ARRB1: variants seen among roughly 807,000 people sequenced by gnomAD.
ARRB1 encodes the protein beta-arrestin-1.
ARRB1 carries 21 observed loss-of-function variants against 56.8 expected under a neutral mutation model. The ratio of observed to expected loss-of-function variants is 0.37; its 90% CI spans 0.26 to 0.53. The LOEUF (loss-of-function observed/expected upper bound fraction) is 0.53, where lower values mean the gene tolerates loss of function less well. Among genes scored for constraint, ARRB1 ranks in the 20% least tolerant of loss-of-function variants. ARRB1 has a pLI of 0.88. For missense variants in ARRB1, 424 were observed against 553.7 expected, an observed-to-expected ratio of 0.77 and a Z score of 2.35; for synonymous variants, 210 against 218.6, an observed-to-expected ratio of 0.96 and a Z score of 0.35.
intron 1 of ARRB1, among the ~76,000 whole-genome samples, chr11:75,316,196 G>A (rs1284286177): frequency 2.0e-5 from 3 of 151,882 alleles, no homozygotes; most frequent in East Asian, 1.9e-4. Flanking sequence ...GCATGATGGC[G>A]GGTGCCTGTA....
chr11:75,291,400 G>GTGAA (rs757415015), intron 1 of ARRB1, among the ~76,000 whole-genome samples: 5 of 152,174 alleles, frequency 3.3e-5, no homozygotes, highest in Admixed American at 1.3e-4. Flanking sequence ...AGTTGAACAG[G>GTGAA]TGAATGAATG....
intron 1 of ARRB1, among the ~76,000 whole-genome samples, chr11:75,332,505 G>C (rs376759832): frequency 1.3e-5 from 2 of 152,232 alleles, no homozygotes; most frequent in East Asian, 1.9e-4. Context: ...AAGAACTTTC[G>C]TCTCCACAAT....
At chr11:75,318,147 CTTTTTTTT>C (rs547084580) in intron 1 of ARRB1, among the ~76,000 whole-genome samples, 5 of 76,880 alleles carry the variant, frequency 6.5e-5, no homozygotes, top group African/African-American at 1.7e-4. Flanking sequence ...GCATTTCTAA[CTTTTTTTT>C]TTTTTTTTTT....
rs1014286007 is a variant in ARRB1 at position 75,279,313 on chromosome 11, G to A, written c.483-569C>T. Among the ~76,000 whole-genome samples, 48 of 152,328 alleles carry A rather than the reference G, an allele frequency of 3.2e-4. 1 individual carries two copies. Among genetic ancestry groups the A allele is most frequent in the Admixed American group, 2.3e-3 (35 of 15,300 alleles). The stretch of plus-strand genomic sequence containing the variant: ...AGGCGTTGGGGTTCAGGGAGGAGGC[G>A]TGGATTCAGTCAGGGGGATGCAAGC... On this transcript the variant is annotated intron_variant, in intron 7 of 15. Coordinates refer to ENST00000420843, the MANE Select transcript of ARRB1 (RefSeq NM_004041.5).
intron 1 of ARRB1, 61 bp downstream of exon 1, chr11:75,351,526 GC>G: frequency 6.7e-7 from 1 of 1,495,956 alleles, no homozygotes; most frequent in Non-Finnish European, 8.9e-7. Context: ...CGGAGCCCCC[GC>G]CCGTGTCCTC....
chr11:75,321,818 C>T (rs1947353279), intron 1 of ARRB1, among the ~76,000 whole-genome samples: 1 of 152,210 alleles, frequency 6.6e-6, no homozygotes, highest in Non-Finnish European at 1.5e-5. Context: ...TATTGTGTGT[C>T]AGATGCTGTT....
intron 1 of ARRB1, among the ~76,000 whole-genome samples, chr11:75,304,386 T>C (rs2140468849): frequency 6.6e-6 from 1 of 152,202 alleles, no homozygotes; most frequent in East Asian, 1.9e-4. Context: ...CCATACAGAC[T>C]GAAATCTAAG....
At chr11:75,345,059 G>A (rs1245645952) in intron 1 of ARRB1, among the ~76,000 whole-genome samples, 2 of 152,198 alleles carry the variant, frequency 1.3e-5, no homozygotes, top group Admixed American at 6.5e-5. Context: ...GGTGCAGGGA[G>A]GCAGAAGCTC....
At chr11:75,266,385 A>G in intron 15 of ARRB1, 111 bp from the exon 16 acceptor site, 2 of 855,828 alleles carry the variant, frequency 2.3e-6, no homozygotes, top group Non-Finnish European at 3.8e-6. Context: ...GCCGGGGAGA[A>G]CCACCCTCTC....
intron 13 of ARRB1, 175 bp from the exon 14 acceptor site, chr11:75,269,134 C>G (rs1272230499): frequency 2.7e-6 from 2 of 754,598 alleles, no homozygotes; most frequent in African/African-American, 3.4e-5. Context: ...TGCCTGGGAG[C>G]TGGACGAGGA....
rs117955618 is a variant in ARRB1 at position 75,343,605 on chromosome 11, G to A, written c.20+7983C>T. Among the ~76,000 whole-genome samples the A allele has an allele frequency of 6.8e-4, 103 of 152,274 alleles. 1 individual carries two copies. The East Asian group carries it at 0.01, about 15-fold the overall frequency. On this transcript the variant is annotated intron_variant, in intron 1 of 15. Coordinates refer to ENST00000420843, the MANE Select transcript of ARRB1 (RefSeq NM_004041.5). ...AGATAAGGGAGCCACAGCAGAGAAA[G>A]GGTTAAGTAATCAGGGAAGCCACCC...
intron 2 of ARRB1, among the ~76,000 whole-genome samples, chr11:75,289,416 G>T (rs1946554012): frequency 6.6e-6 from 1 of 152,196 alleles, no homozygotes; most frequent in Admixed American, 6.5e-5. Context: ...ACTTCATGTT[G>T]AAATGATGGA....
chr11:75,273,747 C>A (rs144251705), intron 11 of ARRB1, among the ~76,000 whole-genome samples: 1 of 152,324 alleles, frequency 6.6e-6, no homozygotes, highest in East Asian at 1.9e-4. Flanking sequence ...CTCAGGGACA[C>A]CCCATCTGAC....
chr11:75,318,671 C>A (rs968763004), intron 1 of ARRB1, among the ~76,000 whole-genome samples: 42 of 151,770 alleles, frequency 2.8e-4, no homozygotes, highest in African/African-American at 9.4e-4. Flanking sequence ...GCCTGGGCAA[C>A]AGAGTGAGAC....
chr11:75,312,642 G>A (rs1315124121), intron 1 of ARRB1, among the ~76,000 whole-genome samples: 1 of 152,180 alleles, frequency 6.6e-6, no homozygotes, highest in African/African-American at 2.4e-5. Flanking sequence ...GCCTTGAGAT[G>A]GAGAGATTAT....
rs1460734222 is a variant in ARRB1 at position 75,264,583 on chromosome 11, G to A, written c.*1580C>T. ...AGTCTTGGGCACAGGGTGGGGTTGA[G>A]GGCAGTTGGTGCTCCATAGGGCCCT... On this transcript the variant is annotated 3_prime_UTR_variant, in exon 16 of 16. Coordinates refer to ENST00000420843, the MANE Select transcript of ARRB1 (RefSeq NM_004041.5). 1 of 152,172 alleles carries A rather than the reference G, an allele frequency of 6.6e-6. No individual in the cohort carries two copies. Among genetic ancestry groups the A allele is most frequent in the Non-Finnish European group, 1.5e-5 (1 of 68,082 alleles). 9.4% of individuals were successfully genotyped at this position (152,172 alleles called of 1,614,324 possible).
rs1365520223 is a variant in ARRB1 at position 75,264,018 on chromosome 11, T to C, written c.*2145A>G. On this transcript the variant is annotated 3_prime_UTR_variant, in exon 16 of 16. Transcript: ENST00000420843. ...TGCCATGCATTGCTCCAGCATTTCA[T>C]CAGCTCTGCGCCTGCCCAGATGAGG... is the stretch of plus-strand genomic sequence containing the variant. 6.6e-6 allele frequency among the ~76,000 whole-genome samples: 1 copy of C among 152,202 alleles called. No individual in the cohort carries two copies. The highest frequency in any genetic ancestry group is 2.4e-5 in the African/African-American group (1 of 41,450).
At chr11:75,327,359 G>A (rs1947455323) in intron 1 of ARRB1, among the ~76,000 whole-genome samples, 1 of 149,040 alleles carries the variant, frequency 6.7e-6, no homozygotes, top group Non-Finnish European at 1.5e-5. Context: ...TTGAAACAGA[G>A]TCTCACTAGG....
chr11:75,278,612 C>T lies in ARRB1; in HGVS notation c.615G>A (p.Lys205=). The change falls in exon 8 of 16, where the codon AAG becomes AAA. Residue 205 remains lysine (K), a synonymous_variant. Coordinates refer to ENST00000420843, the MANE Select transcript of ARRB1 (RefSeq NM_004041.5). Reference sequence around the variant, plus strand: ...CTGCCAAGTCCGAGCCTCCTACCTCCTTATCCAGAGAGGCTTCTAGGTGCA... The same window carrying T: ...CTGCCAAGTCCGAGCCTCCTACCTCTTTATCCAGAGAGGCTTCTAGGTGCA... ...KPLHLEASLD[K]EIYYHGEPIS... 1.2e-6 allele frequency: 2 copies of T among 1,614,140 alleles called. No homozygotes were observed. Among genetic ancestry groups the T allele is most frequent in the Non-Finnish European group, 1.7e-6 (2 of 1,179,992 alleles).
Sources: allele counts gnomAD v4.1 joint callset (sites outside exome capture counted in the v4.1 genomes callset), GRCh38; gene constraint gnomAD v4.1.1; transcripts MANE v1.5; gene names NCBI Gene and HGNC (gene_info 2026-07-23, HGNC 2026-07-21).